Variants in FBLN7 observed in about 807,000 individuals in gnomAD.
FBLN7 encodes fibulin 7.
FBLN7 carries 31 observed loss-of-function variants against 44.0 expected under a neutral mutation model. That is an observed-to-expected ratio of 0.70 (90% CI 0.53 to 0.95). FBLN7 has a LOEUF of 0.95. FBLN7 is among the 40% of genes least tolerant of loss of function. The pLI is 0.00. For synonymous variants in FBLN7, 262 were observed against 253.4 expected, an observed-to-expected ratio of 1.03 and a Z score of -0.32; for missense variants, 573 against 618.5, an observed-to-expected ratio of 0.93 and a Z score of 0.78.
chr2:112,223,163 C>T, the FBLN7 span, among the ~76,000 whole-genome samples: 4 of 151,244 alleles, frequency 2.6e-5, no homozygotes, highest in African/African-American at 4.9e-5. Context: ...ATGTAAATGA[C>T]GAGTTAACAG....
At chr2:112,146,898 C>T (rs965715913) in intron 1 of FBLN7, among the ~76,000 whole-genome samples, 7 of 152,218 alleles carry the variant, frequency 4.6e-5, no homozygotes, top group East Asian at 3.9e-4. Context: ...AGAAAGGATT[C>T]GTTTTTTCAA....
intron 1 of FBLN7, among the ~76,000 whole-genome samples, chr2:112,141,459 C>T (rs1680644760): frequency 6.6e-6 from 1 of 152,136 alleles, no homozygotes; most frequent in Non-Finnish European, 1.5e-5. Context: ...TCCAGGCAGG[C>T]AGAATTTGGC....
At chr2:112,157,932 T>C (rs1343256988) in intron 1 of FBLN7, among the ~76,000 whole-genome samples, 2 of 149,184 alleles carry the variant, frequency 1.3e-5, no homozygotes, top group Admixed American at 1.3e-4. Flanking sequence ...GGAGTCTCGC[T>C]GTCGCCCAGG....
the FBLN7 span, among the ~76,000 whole-genome samples, chr2:112,228,968 G>A: frequency 6.6e-6 from 1 of 152,184 alleles, no homozygotes; most frequent in Non-Finnish European, 1.5e-5. Context: ...ATAGTCATTT[G>A]AGAAATGAAA....
the FBLN7 span, among the ~76,000 whole-genome samples, chr2:112,204,359 CAGAA>C: frequency 6.6e-6 from 1 of 150,502 alleles, no homozygotes; most frequent in Non-Finnish European, 1.5e-5. Flanking sequence ...ATAAGCATCT[CAGAA>C]GGAGAAGATA....
the FBLN7 span, among the ~76,000 whole-genome samples, chr2:112,239,834 C>T: frequency 6.6e-6 from 1 of 152,184 alleles, no homozygotes; most frequent in Non-Finnish European, 1.5e-5. Flanking sequence ...ATCCGCCTGC[C>T]TCGGCCTCCC....
chr2:112,226,153 C>T, the FBLN7 span, among the ~76,000 whole-genome samples: 27 of 150,492 alleles, frequency 1.8e-4, 1 homozygote, highest in African/African-American at 5.4e-4. Flanking sequence ...AACAAATTTA[C>T]GCCAACAAAG....
chr2:112,232,291 G>A, the FBLN7 span, among the ~76,000 whole-genome samples: 1 of 147,074 alleles, frequency 6.8e-6, no homozygotes, highest in East Asian at 2.0e-4. Context: ...CTCCAGCCTG[G>A]GCAACAGAGC....
At chr2:112,227,450 G>A in the FBLN7 span, among the ~76,000 whole-genome samples, 14 of 152,270 alleles carry the variant, frequency 9.2e-5, no homozygotes, top group African/African-American at 1.9e-4. Flanking sequence ...ACCTGAACCC[G>A]CAAGGCCGCG....
the FBLN7 span, chr2:112,238,310 C>T: frequency 6.2e-7 from 1 of 1,611,976 alleles, no homozygotes; most frequent in Non-Finnish European, 8.5e-7. Context: ...TAGTTTGACT[C>T]TTACCCTGTG....
chr2:112,224,883 TATTG>T, the FBLN7 span, among the ~76,000 whole-genome samples: 1 of 152,192 alleles, frequency 6.6e-6, no homozygotes, highest in East Asian at 1.9e-4. Flanking sequence ...ATGTCCTATT[TATTG>T]ATTGTGGTGG....
intron 1 of FBLN7, among the ~76,000 whole-genome samples, chr2:112,145,778 A>G (rs533223933): frequency 8.5e-5 from 13 of 152,142 alleles, no homozygotes; most frequent in Admixed American, 2.6e-4. Flanking sequence ...TTCCAATACC[A>G]TTTGTTGTTG....
chr2:112,197,673 G>C, the FBLN7 span, among the ~76,000 whole-genome samples: 1 of 152,140 alleles, frequency 6.6e-6, no homozygotes, highest in Non-Finnish European at 1.5e-5. Flanking sequence ...CTGCCAACCA[G>C]TCACTTCACT....
the FBLN7 span, among the ~76,000 whole-genome samples, chr2:112,200,476 C>T: frequency 1.3e-5 from 2 of 152,308 alleles, no homozygotes; most frequent in South Asian, 4.1e-4. Context: ...CAGAAGGACA[C>T]ATCACCTCCA....
chr2:112,185,132 C>T (rs1683204123), intron 6 of FBLN7, 69 bp from the exon 7 acceptor site: 2 of 1,563,054 alleles, frequency 1.3e-6, no homozygotes, highest in African/African-American at 1.4e-5. Context: ...CAGGGCCTCT[C>T]ATGTGGTTCT....
At chr2:112,197,274 C>CACACACACACACAGAGAGAG in the FBLN7 span, among the ~76,000 whole-genome samples, 1 of 98,594 alleles carries the variant, frequency 1.0e-5, no homozygotes, top group Non-Finnish European at 2.2e-5. Context: ...CACACACACA[C>CACACACACACACAGAGAGAG]AGAGAGAGAG....
At chr2:112,140,718 T>G (rs1023620522) in intron 1 of FBLN7, among the ~76,000 whole-genome samples, 1 of 152,270 alleles carries the variant, frequency 6.6e-6, no homozygotes, top group Non-Finnish European at 1.5e-5. Flanking sequence ...GACATTTAAA[T>G]TTCCAACCGA....
intron 1 of FBLN7, among the ~76,000 whole-genome samples, chr2:112,157,321 G>A (rs929458078): frequency 6.6e-6 from 1 of 152,134 alleles, no homozygotes; most frequent in African/African-American, 2.4e-5. Flanking sequence ...AGCGAGTTGA[G>A]ATTGTGCCAT....
intron 4 of FBLN7, among the ~76,000 whole-genome samples, chr2:112,178,226 A>G (rs946253032): frequency 6.7e-6 from 1 of 149,904 alleles, no homozygotes; most frequent in Non-Finnish European, 1.5e-5. Context: ...AAAACCAAAA[A>G]TGTGAACACT....
Sources: gnomAD v4.1 joint callset for allele counts (sites outside exome capture counted in the v4.1 genomes callset) on GRCh38, gnomAD v4.1.1 for gene constraint, MANE v1.5 for transcripts, NCBI Gene and HGNC (gene_info 2026-07-23, HGNC 2026-07-21) for gene names.